TBC1D19: variants seen among roughly 807,000 people sequenced by gnomAD.
The protein encoded by TBC1D19 is TBC1 domain family member 19.
TBC1D19 carries 60 observed loss-of-function variants against 89.0 expected under a neutral mutation model. The observed-to-expected ratio is 0.67, with a 90% CI of 0.55 to 0.84. The LOEUF (loss-of-function observed/expected upper bound fraction) is 0.84. Among genes scored for constraint, TBC1D19 ranks in the 40% least tolerant of loss-of-function variants. The pLI is 0.00. For missense variants in TBC1D19, 500 were observed against 610.8 expected (o/e 0.82, Z 1.91); for synonymous variants, 189 against 199.7 (o/e 0.95, Z 0.45).
At chr4:26,847,102 G>C in the TBC1D19 span, among the ~76,000 whole-genome samples, 9 of 152,126 alleles carry the variant, frequency 5.9e-5, no homozygotes, top group Non-Finnish European at 8.8e-5. Context: ...GAATCTATGT[G>C]TTCAGTCATT....
At chr4:26,817,344 C>T in the TBC1D19 span, among the ~76,000 whole-genome samples, 1 of 152,080 alleles carries the variant, frequency 6.6e-6, no homozygotes, top group Non-Finnish European at 1.5e-5. Context: ...GTTTAATATT[C>T]CCCAGAAGGG....
intron 11 of TBC1D19, among the ~76,000 whole-genome samples, chr4:26,679,248 G>C (rs1352522773): frequency 6.6e-6 from 1 of 152,052 alleles, no homozygotes; most frequent in African/African-American, 2.4e-5. Flanking sequence ...CAAGCCCCGG[G>C]CCCCCCTGCT....
chr4:26,820,786 C>T, the TBC1D19 span, among the ~76,000 whole-genome samples: 1 of 152,066 alleles, frequency 6.6e-6, no homozygotes, highest in Admixed American at 6.5e-5. Flanking sequence ...ACTAATTTCC[C>T]TCTCTCTGTT....
At position 26,734,919 on chromosome 4, in the gene TBC1D19, C is replaced by CACATATATGTGTGTATATATGT. The variant is rs1717878130; in HGVS notation, c.1085-535_1085-534insCATATATGTGTGTATATATGTA. On this transcript the variant is annotated intron_variant, in intron 15 of 20. Coordinates refer to ENST00000264866, the MANE Select transcript of TBC1D19 (RefSeq NM_018317.4). ...GTGTGTATATATACACACATGTGTA[C>CACATATATGTGTGTATATATGT]ATACACATATATGTGTGTATATATG... Among the ~76,000 whole-genome samples the CACATATATGTGTGTATATATGT allele has an allele frequency of 3.8e-4, 34 of 90,324 alleles. No individual in the cohort carries two copies. In the South Asian group the frequency reaches 0.012, roughly 32 times the overall value. 59.3% of individuals were successfully genotyped at this position (90,324 alleles called of 152,430 possible). A position where few individuals can be genotyped will look rare whatever the true frequency, so the allele number is the denominator to read the frequency against.
intron 13 of TBC1D19, among the ~76,000 whole-genome samples, chr4:26,704,279 A>C (rs770491535): frequency 1.3e-5 from 2 of 152,130 alleles, no homozygotes; most frequent in African/African-American, 2.4e-5. Context: ...TACCATTTTC[A>C]GACTTCAATA....
intron 13 of TBC1D19, among the ~76,000 whole-genome samples, chr4:26,714,246 ATTGT>A (rs959656641): frequency 2.0e-4 from 30 of 151,410 alleles, no homozygotes; most frequent in African/African-American, 4.9e-4. Flanking sequence ...TCTTTAATGC[ATTGT>A]TTGTTTGTTT....
chr4:26,768,013 T>A, the TBC1D19 span, among the ~76,000 whole-genome samples: 1 of 151,704 alleles, frequency 6.6e-6, no homozygotes, highest in African/African-American at 2.4e-5. Flanking sequence ...AAGACAGGAG[T>A]TCACAAGACA....
chr4:26,702,625 T>G (rs936148937), intron 13 of TBC1D19, among the ~76,000 whole-genome samples: 4 of 152,208 alleles, frequency 2.6e-5, no homozygotes, highest in African/African-American at 9.6e-5. Flanking sequence ...AGATTTTACA[T>G]AATTTTTTCA....
At chr4:26,763,820 G>A in the TBC1D19 span, among the ~76,000 whole-genome samples, 3 of 152,236 alleles carry the variant, frequency 2.0e-5, no homozygotes, top group African/African-American at 7.2e-5. Flanking sequence ...ACCACAGAAA[G>A]TTGGGCAAGT....
chr4:26,607,196 A>G (rs200355491), intron 1 of TBC1D19, among the ~76,000 whole-genome samples: 1 of 152,158 alleles, frequency 6.6e-6, no homozygotes, highest in East Asian at 1.9e-4. Context: ...ATTTTTGAGC[A>G]TAGTCTTCAC....
chr4:26,655,100 C>A (rs924343253), intron 7 of TBC1D19, among the ~76,000 whole-genome samples: 7 of 152,176 alleles, frequency 4.6e-5, no homozygotes, highest in Non-Finnish European at 1.0e-4. Flanking sequence ...CATCAGGACC[C>A]TCAGCTGCAG....
chr4:26,677,256 C>T (rs1326959987), intron 11 of TBC1D19, among the ~76,000 whole-genome samples: 2 of 151,916 alleles, frequency 1.3e-5, no homozygotes, highest in Non-Finnish European at 2.9e-5. Flanking sequence ...TCATTTCTTG[C>T]CTGGATTAAA....
chr4:26,625,583 C>T (rs550312998), intron 4 of TBC1D19, among the ~76,000 whole-genome samples: 1 of 152,290 alleles, frequency 6.6e-6, no homozygotes, highest in South Asian at 2.1e-4. Flanking sequence ...GACCCAGGAT[C>T]TCATCCAGGA....
the TBC1D19 span, among the ~76,000 whole-genome samples, chr4:26,801,576 T>C: frequency 6.6e-6 from 1 of 152,202 alleles, no homozygotes; most frequent in African/African-American, 2.4e-5. Flanking sequence ...GGGATGGTAT[T>C]GAATCTATAA....
chr4:26,611,207 G>T (rs1436950266), intron 1 of TBC1D19, among the ~76,000 whole-genome samples: 1 of 152,010 alleles, frequency 6.6e-6, no homozygotes, highest in African/African-American at 2.4e-5. Flanking sequence ...GTGACATTGA[G>T]TATTTTTATA....
At chr4:26,602,630 C>T (rs747050957) in intron 1 of TBC1D19, among the ~76,000 whole-genome samples, 10 of 151,848 alleles carry the variant, frequency 6.6e-5, no homozygotes, top group South Asian at 2.1e-4. Context: ...TTAGTAGAGA[C>T]GGGGTTTCAC....
At chr4:26,809,836 A>G in the TBC1D19 span, among the ~76,000 whole-genome samples, 1 of 152,120 alleles carries the variant, frequency 6.6e-6, no homozygotes, top group Non-Finnish European at 1.5e-5. Context: ...TACCCCCTTG[A>G]GCATGCCACC....
the TBC1D19 span, among the ~76,000 whole-genome samples, chr4:26,779,317 C>A: frequency 6.6e-6 from 1 of 152,188 alleles, no homozygotes; most frequent in South Asian, 2.1e-4. Context: ...AAAAAAGGAA[C>A]TCCGGGAGAA....
At chr4:26,660,108 G>T (rs943020811) in intron 8 of TBC1D19, among the ~76,000 whole-genome samples, 1 of 152,072 alleles carries the variant, frequency 6.6e-6, no homozygotes, top group Non-Finnish European at 1.5e-5. Context: ...AGGCACTTAG[G>T]GAGATGGAGA....
Sources: allele counts gnomAD v4.1 joint callset (sites outside exome capture counted in the v4.1 genomes callset), GRCh38; gene constraint gnomAD v4.1.1; transcripts MANE v1.5; gene names NCBI Gene and HGNC (gene_info 2026-07-23, HGNC 2026-07-21).